The following KANK1 variants were observed in gnomAD, a reference collection of about 807,000 sequenced individuals.
KANK1 encodes the protein KN motif and ankyrin repeat domains 1, also known as KN motif and ankyrin repeat domain-containing protein 1.
A neutral mutation model predicts 106.2 loss-of-function variants in KANK1; 109 were observed. That is an observed-to-expected ratio of 1.03 (90% confidence interval 0.88 to 1.20). The LOEUF is 1.20. KANK1 is among the 50% of genes most tolerant of loss of function. The pLI is 0.00. For missense variants in KANK1, 2,399 were observed against 1,710.7 expected, an observed-to-expected ratio of 1.40 and a Z score of -7.10; for synonymous variants, 873 against 652.2, an observed-to-expected ratio of 1.34 and a Z score of -5.16.
chr9:492,658 T>G (rs1479385560), intron 3 of KANK1, among the ~76,000 whole-genome samples: 1 of 152,188 alleles, frequency 6.6e-6, no homozygotes, highest in East Asian at 1.9e-4. Flanking sequence ...TATTGAAATA[T>G]GCATTTAAAT....
intron 3 of KANK1, among the ~76,000 whole-genome samples, chr9:493,204 A>G (rs2132331594): frequency 6.6e-6 from 1 of 152,206 alleles, no homozygotes; most frequent in Non-Finnish European, 1.5e-5. Context: ...GTTATAAAAG[A>G]CATTGCAGCC....
Position 712,902 on chromosome 9 carries a change from G to A in KANK1, c.2136G>A (p.Val712=). ...TLDKQTSTQT[V]ETRTVAVGEG... ...ACAAGCAGACCAGCACCCAGACTGT[G>A]GAGACGCGGACAGTAGCTGTAGGAG... The change falls in exon 3 of 12, where the codon GTG becomes GTA. Residue 712 remains valine (V), a synonymous_variant. Coordinates refer to ENST00000382297, the MANE Select transcript of KANK1 (RefSeq NM_015158.5). The A allele has an allele frequency of 6.2e-7, 1 of 1,614,060 alleles. No individual in the cohort carries two copies. The highest frequency in any genetic ancestry group is 8.5e-7 in the Non-Finnish European group (1 of 1,180,014).
intron 1 of KANK1, among the ~76,000 whole-genome samples, chr9:674,599 ATCT>A (rs1816003374): frequency 6.6e-6 from 1 of 152,048 alleles, no homozygotes; most frequent in South Asian, 2.1e-4. Flanking sequence ...ACCCCTTATA[ATCT>A]TCATGATTGT....
chr9:578,695 C>T (rs1351788780), intron 1 of KANK1, among the ~76,000 whole-genome samples: 2 of 152,026 alleles, frequency 1.3e-5, no homozygotes, highest in African/African-American at 4.8e-5. Flanking sequence ...ATAAAATAAC[C>T]ATTACTAAGT....
At chr9:581,096 T>C (rs180750056) in intron 1 of KANK1, among the ~76,000 whole-genome samples, 24 of 152,170 alleles carry the variant, frequency 1.6e-4, no homozygotes, top group African/African-American at 5.5e-4. Flanking sequence ...ACTCCTGGCC[T>C]ACCCAGAACT....
chr9:676,824 G>T, intron 1 of KANK1, 66 bp from the exon 2 acceptor site: 3 of 603,272 alleles, frequency 5.0e-6, no homozygotes, highest in Non-Finnish European at 8.7e-6. Context: ...GTAAACAGAA[G>T]TCTAAGATTT....
chr9:700,354 G>C (rs867249143), intron 2 of KANK1, among the ~76,000 whole-genome samples: 1 of 152,192 alleles, frequency 6.6e-6, no homozygotes, highest in Non-Finnish European at 1.5e-5. Context: ...GTCTCAAAGA[G>C]CTTAGTGCTA....
At chr9:716,583 C>A (rs943898073) in intron 3 of KANK1, among the ~76,000 whole-genome samples, 1 of 152,108 alleles carries the variant, frequency 6.6e-6, no homozygotes, top group African/African-American at 2.4e-5. Flanking sequence ...GAATCCGTGT[C>A]AAAGCTCAAA....
At chr9:557,874 A>G (rs980845108) in intron 1 of KANK1, among the ~76,000 whole-genome samples, 1 of 152,182 alleles carries the variant, frequency 6.6e-6, no homozygotes, top group African/African-American at 2.4e-5. Context: ...GCATGGTGGC[A>G]CACGCCTGTG....
intron 1 of KANK1, among the ~76,000 whole-genome samples, chr9:643,469 C>T (rs2137235575): frequency 1.3e-5 from 2 of 149,880 alleles, no homozygotes; most frequent in Admixed American, 1.3e-4. Context: ...CTAGGGGCCT[C>T]CTCCCGAAGA....
intron 1 of KANK1, among the ~76,000 whole-genome samples, chr9:569,048 A>G (rs974807734): frequency 3.9e-5 from 6 of 152,252 alleles, no homozygotes; most frequent in Non-Finnish European, 7.4e-5. Flanking sequence ...GCTGGGGACC[A>G]GCTCCACTGT....
intron 1 of KANK1, among the ~76,000 whole-genome samples, chr9:605,890 C>G (rs370422039): frequency 6.6e-6 from 1 of 151,478 alleles, no homozygotes; most frequent in Non-Finnish European, 1.5e-5. Flanking sequence ...ACTAACTGGC[C>G]CATACACCAG....
intron 1 of KANK1, among the ~76,000 whole-genome samples, chr9:571,722 A>G (rs1819221974): frequency 1.3e-5 from 2 of 152,252 alleles, no homozygotes; most frequent in South Asian, 4.1e-4. Context: ...GTTGGACTAT[A>G]GAGTCTCAGC....
In KANK1 at chr9:540,174, C is replaced by T. The variant is rs567038559; in HGVS notation, c.-84+35420C>T. Among the ~76,000 whole-genome samples the T allele has an allele frequency of 9.9e-5, 15 of 152,224 alleles. No individual in the cohort carries two copies. The South Asian group carries it at 1.0e-3, about 11-fold the overall frequency. On this transcript the variant is annotated intron_variant, in intron 1 of 11. Coordinates refer to ENST00000382297, the MANE Select transcript of KANK1 (RefSeq NM_015158.5). ...AGTATGATATTAGCTACGGGCATGC[C>T]GTATGTGGCCTTTATTATGTCGAGG... is the stretch of plus-strand genomic sequence containing the variant.
intron 1 of KANK1, among the ~76,000 whole-genome samples, chr9:574,251 G>A (rs1188562488): frequency 2.0e-5 from 3 of 152,230 alleles, no homozygotes; most frequent in African/African-American, 7.2e-5. Flanking sequence ...TGTTGAGTGG[G>A]CAGGGCCCCA....
At chr9:591,757 C>G (rs1824945177) in intron 1 of KANK1, among the ~76,000 whole-genome samples, 1 of 151,770 alleles carries the variant, frequency 6.6e-6, no homozygotes, top group African/African-American at 2.4e-5. Flanking sequence ...CTCCTGGGTT[C>G]AAGTGATTCT....
chr9:523,107 C>T (rs2059623992), intron 1 of KANK1, among the ~76,000 whole-genome samples: 1 of 151,572 alleles, frequency 6.6e-6, no homozygotes, highest in Non-Finnish European at 1.5e-5. Flanking sequence ...ACATTTAGGT[C>T]TCCAGCTCTG....
chr9:488,055 G>C (rs1038848799), intron 3 of KANK1, among the ~76,000 whole-genome samples: 3 of 152,090 alleles, frequency 2.0e-5, no homozygotes, highest in Non-Finnish European at 2.9e-5. Flanking sequence ...TCATTTCTAG[G>C]TTTCTTGTTC....
At chr9:470,418 T>G (rs2057996264) in intron 1 of KANK1, 1 of 152,546 alleles carries the variant, frequency 6.6e-6, no homozygotes, top group Non-Finnish European at 1.5e-5. Flanking sequence ...GCTTTTTTTC[T>G]CAACACTGTG....
Sources: gnomAD v4.1 joint callset for allele counts (sites outside exome capture counted in the v4.1 genomes callset) on GRCh38, gnomAD v4.1.1 for gene constraint, MANE v1.5 for transcripts, NCBI Gene and HGNC (gene_info 2026-07-23, HGNC 2026-07-21) for gene names.